The following JADE3 variants were observed in gnomAD, a reference collection of about 807,000 sequenced individuals.
The protein encoded by JADE3 is jade family PHD finger 3.
A neutral mutation model predicts 50.1 loss-of-function variants in JADE3; 2 were observed. The observed-to-expected ratio is 0.04, with a 90% confidence interval of 0.02 to 0.13. The LOEUF (loss-of-function observed/expected upper bound fraction) is 0.13. JADE3 is among the 10% of genes least tolerant of loss of function. JADE3 has a pLI of 1.00. For missense variants in JADE3, 475 were observed against 634.4 expected, an observed-to-expected ratio of 0.75 and a Z score of 2.70; for synonymous variants, 218 against 232.9, an observed-to-expected ratio of 0.94 and a Z score of 0.58.
Position 47,058,986 on chromosome X carries a change from C to T in JADE3, c.2381C>T (p.Ser794Leu), listed in dbSNP as rs144893581. Residue 794 changes from serine to leucine, a missense_variant, in exon 11 of 11, where the codon TCA becomes TTA. Physicochemically the swap from Ser to Leu is moderately radical, Grantham distance 145. Around this residue, in one of 6 missense-constraint regions of JADE3, gnomAD observed 243 missense variants for 238.2 expected, o/e 1.02. Transcript: ENST00000614628. Reference protein sequence around the residue: ...KEKVRVRKDSSDRENPPHDSR... With the variant: ...KEKVRVRKDSLDRENPPHDSR... ...AAAGTCAGGGTAAGGAAAGATAGCT[C>T]AGACAGGGAAAATCCTCCCCATGAC... 16 of 1,207,750 alleles carry T rather than the reference C, an allele frequency of 1.3e-5. No individual in the cohort carries two copies. The highest frequency in any genetic ancestry group is 1.8e-5 in the African/African-American group (1 of 57,049).
chrX:46,928,650 C>G (rs1329217207), intron 1 of JADE3, among the ~76,000 whole-genome samples: 2 of 112,299 alleles, frequency 1.8e-5, no homozygotes, highest in Non-Finnish European at 3.8e-5. Flanking sequence ...GTGGTGCTAT[C>G]ATAGCTCACT....
intron 6 of JADE3, among the ~76,000 whole-genome samples, chrX:47,030,501 A>G (rs1234366978): frequency 8.9e-6 from 1 of 111,797 alleles, no homozygotes; most frequent in East Asian, 2.8e-4. Flanking sequence ...CTAAAGAGAT[A>G]CTTGGCTTAG....
At chrX:47,024,321 C>T (rs1211367941) in intron 4 of JADE3, among the ~76,000 whole-genome samples, 2 of 111,459 alleles carry the variant, frequency 1.8e-5, no homozygotes, top group Non-Finnish European at 3.8e-5. Context: ...CCATCTCTTA[C>T]CCAAAAAAAA....
chrX:46,935,170 G>A (rs1926589135), intron 1 of JADE3, among the ~76,000 whole-genome samples: 1 of 111,533 alleles, frequency 9.0e-6, no homozygotes, highest in Admixed American at 9.5e-5. Context: ...CTGACCTCAA[G>A]TGATTCACCT....
chrX:46,922,706 T>C (rs1420645866), intron 1 of JADE3, among the ~76,000 whole-genome samples: 1 of 111,294 alleles, frequency 9.0e-6, no homozygotes, highest in African/African-American at 3.3e-5. Flanking sequence ...ACAGTTTCTA[T>C]CTCTTTGCTG....
At chrX:46,959,795 T>C (rs1278059791) in intron 1 of JADE3, among the ~76,000 whole-genome samples, 1 of 108,623 alleles carries the variant, frequency 9.2e-6, no homozygotes, top group African/African-American at 3.4e-5. Flanking sequence ...CCACAGAGAC[T>C]GAAGGGGCAG....
chrX:46,959,773 C>T (rs781926809), intron 1 of JADE3, among the ~76,000 whole-genome samples: 2 of 109,745 alleles, frequency 1.8e-5, no homozygotes, highest in South Asian at 8.2e-4. Flanking sequence ...AAAAGAATAC[C>T]GGATGTTGGG....
intron 4 of JADE3, among the ~76,000 whole-genome samples, chrX:47,009,780 G>A (rs1487423889): frequency 1.8e-4 from 20 of 108,353 alleles, no homozygotes; most frequent in Admixed American, 1.5e-3. Context: ...GCACACCACC[G>A]TACCTGGCTA....
intron 8 of JADE3, among the ~76,000 whole-genome samples, chrX:47,052,202 C>T (rs1436023531): frequency 9.1e-6 from 1 of 109,687 alleles, no homozygotes; most frequent in African/African-American, 3.4e-5. Flanking sequence ...CCAGGTCCTT[C>T]CCCCTTTGCC....
At chrX:46,913,304 GCCCGGGTGCCCA>G (rs1405015222) in intron 1 of JADE3, among the ~76,000 whole-genome samples, 1 of 110,535 alleles carries the variant, frequency 9.0e-6, no homozygotes, top group Non-Finnish European at 1.9e-5. Context: ...ACCCCGGGAA[GCCCGGGTGCCCA>G]CCCGGCGGGA....
At chrX:46,962,069 C>T (rs977658626) in intron 1 of JADE3, among the ~76,000 whole-genome samples, 8 of 111,822 alleles carry the variant, frequency 7.2e-5, no homozygotes, top group African/African-American at 2.6e-4. Flanking sequence ...GTGGCTTCGG[C>T]TGTGGCCTGG....
At chrX:46,982,078 CT>C (rs1450305899) in intron 1 of JADE3, among the ~76,000 whole-genome samples, 1 of 111,081 alleles carries the variant, frequency 9.0e-6, no homozygotes, top group Non-Finnish European at 1.9e-5. Flanking sequence ...TTCTCATTCA[CT>C]TTTCCTTTTG....
At chrX:46,923,337 G>C (rs1409661763) in intron 1 of JADE3, among the ~76,000 whole-genome samples, 1 of 95,924 alleles carries the variant, frequency 1.0e-5, no homozygotes, top group Non-Finnish European at 2.1e-5. Context: ...TTTGATATTG[G>C]GTTTGTTTTG....
At chrX:46,978,559 C>T (rs781884751) in intron 1 of JADE3, among the ~76,000 whole-genome samples, 27 of 111,671 alleles carry the variant, frequency 2.4e-4, no homozygotes, top group Non-Finnish European at 4.3e-4. Flanking sequence ...ACAAGACGAA[C>T]GTGTTCCCGG....
At chrX:46,915,844 G>A (rs1926072170) in intron 1 of JADE3, among the ~76,000 whole-genome samples, 1 of 111,108 alleles carries the variant, frequency 9.0e-6, no homozygotes, top group Non-Finnish European at 1.9e-5. Context: ...GAAGACAGCC[G>A]ACTGAATAAA....
At chrX:46,928,960 G>A (rs1414950037) in intron 1 of JADE3, among the ~76,000 whole-genome samples, 1 of 111,832 alleles carries the variant, frequency 8.9e-6, no homozygotes, top group Admixed American at 9.5e-5. Flanking sequence ...GAAAACAATA[G>A]TTAGGAAAAG....
intron 4 of JADE3, among the ~76,000 whole-genome samples, chrX:47,019,414 G>A (rs1407139245): frequency 9.0e-6 from 1 of 110,650 alleles, no homozygotes; most frequent in African/African-American, 3.3e-5. Flanking sequence ...AGATAGGGTC[G>A]CACTCTGTCA....
chrX:47,002,889 AGGCTTTC>A (rs781823481), intron 4 of JADE3, among the ~76,000 whole-genome samples: 36 of 111,610 alleles, frequency 3.2e-4, no homozygotes, highest in Non-Finnish European at 4.1e-4. Flanking sequence ...CTTAGGCGGA[AGGCTTTC>A]AGTCTTTCAA....
intron 8 of JADE3, among the ~76,000 whole-genome samples, chrX:47,040,584 A>G (rs899314226): frequency 1.8e-5 from 2 of 111,897 alleles, no homozygotes; most frequent in African/African-American, 6.5e-5. Flanking sequence ...ATTTCATTAT[A>G]TATTACAATG....
Sources: gnomAD v4.1 joint callset for allele counts (sites outside exome capture counted in the v4.1 genomes callset) on GRCh38, gnomAD v4.1.1 for gene constraint, gnomAD v4.1.1 regional missense constraint, MANE v1.5 for transcripts, NCBI Gene and HGNC (gene_info 2026-07-23, HGNC 2026-07-21) for gene names.